The following CABP1 variants were observed in gnomAD, a reference collection of about 807,000 sequenced individuals.
The protein encoded by CABP1 is calcium binding protein 1, also known as calcium-binding protein 1.
Under a neutral mutation model 34.3 loss-of-function variants are expected in CABP1, and 17 were observed. That is an observed-to-expected ratio of 0.50 (90% confidence interval 0.34 to 0.74). The LOEUF is 0.74. Ranked by LOEUF, CABP1 falls within the 30% of genes least tolerant of loss-of-function variation. The pLI, the probability that CABP1 is intolerant of heterozygous loss-of-function variation, is 0.01. For missense variants in CABP1, 373 were observed against 511.1 expected, an observed-to-expected ratio of 0.73 and a Z score of 2.61; for synonymous variants, 198 against 229.2, an observed-to-expected ratio of 0.86 and a Z score of 1.23.
intron 5 of CABP1, among the ~76,000 whole-genome samples, chr12:120,663,314 G>A (rs1349320496): frequency 1.3e-5 from 2 of 151,640 alleles, no homozygotes; most frequent in Non-Finnish European, 2.9e-5. Flanking sequence ...TTGCTCTGTC[G>A]CCCAGGCTGG....
chr12:120,675,260 C>T, the CABP1 span, among the ~76,000 whole-genome samples: 2 of 152,138 alleles, frequency 1.3e-5, no homozygotes, highest in African/African-American at 2.4e-5. Context: ...ACCCTATTAG[C>T]CAGGCTGGAC....
At position 120,660,475 on chromosome 12, in the gene CABP1, C is replaced by T; in HGVS notation, c.829+136C>T. On this transcript the variant is annotated intron_variant, in intron 3 of 5. Coordinates refer to ENST00000316803, the MANE Select transcript of CABP1 (RefSeq NM_001033677.2). The surrounding 1 kb of genome is among the most constrained non-coding windows in gnomAD (Gnocchi z 5.0). The stretch of plus-strand genomic sequence containing the variant: ...ATCTGGGGCCAACCACTTACCCTCT[C>T]TGAGCCTCAGTTTCCTCACCTGTAA... 4 of 999,938 alleles carry T rather than the reference C, an allele frequency of 4.0e-6. No individual in the cohort carries two copies. The highest frequency in any genetic ancestry group is 5.8e-6 in the Non-Finnish European group (4 of 686,646). 61.9% of individuals were successfully genotyped at this position (999,938 alleles called of 1,614,324 possible).
At position 120,661,793 on chromosome 12, in the gene CABP1, CT is replaced by C. The variant is rs1880664535; in HGVS notation, c.1087+577del. On this transcript the variant is annotated intron_variant, in intron 5 of 5. Transcript: ENST00000316803. This position sits in a 1 kb window ranked among gnomAD's most constrained non-coding sequence, Gnocchi z 5.1. ...TCTCCATTTTTCATCTGTTTATCTC[CT>C]TATCTGTCCAGATGCCTATTTATCC... The C allele has an allele frequency of 6.5e-6, 1 of 154,668 alleles. No individual in the cohort carries two copies. The highest frequency in any genetic ancestry group is 2.4e-5 in the African/African-American group (1 of 41,456). 9.6% of individuals were successfully genotyped at this position (154,668 alleles called of 1,614,324 possible). A position where few individuals can be genotyped will look rare whatever the true frequency, so the allele number is the denominator to read the frequency against.
At chr12:120,673,777 C>T in the CABP1 span, among the ~76,000 whole-genome samples, 3 of 152,146 alleles carry the variant, frequency 2.0e-5, no homozygotes, top group Admixed American at 6.5e-5. Context: ...TACTACTAAA[C>T]CACCAGTGCT....
chr12:120,661,164 G>T lies in CABP1; in HGVS notation c.1033G>T (p.Glu345Ter). The stretch of plus-strand genomic sequence containing the variant: ...TCATCAGGTGGGACACCGAGACATA[G>T]AGGAAATTATCCGAGATGTGGACCT... ...LGHQVGHRDIEEIIRDVDLNG... is the reference protein window; with the variant it reads ...LGHQVGHRDI Residue 345 changes from glutamate (E) to a stop codon, truncating the protein, a stop_gained, in exon 5 of 6, where the codon GAG becomes TAG. Coordinates refer to ENST00000316803, the MANE Select transcript of CABP1 (RefSeq NM_001033677.2). LOFTEE classifies it high-confidence loss of function. The surrounding 1 kb of genome is among the most constrained non-coding windows in gnomAD (Gnocchi z 5.1). The T allele has an allele frequency of 6.2e-7, 1 of 1,613,102 alleles. No homozygotes were observed.
At chr12:120,650,512 C>G in intron 1 of CABP1, 1 of 1,577,222 alleles carries the variant, frequency 6.3e-7, no homozygotes, top group Non-Finnish European at 8.6e-7. Flanking sequence ...CACATCCGTC[C>G]TGGAGGAAGA....
chr12:120,672,625 C>T, the CABP1 span, among the ~76,000 whole-genome samples: 1 of 141,522 alleles, frequency 7.1e-6, no homozygotes, highest in Non-Finnish European at 1.5e-5. Context: ...AAAAAGTGAA[C>T]TTATAGATCA....
At chr12:120,652,436 T>A (rs61121868) in intron 1 of CABP1, among the ~76,000 whole-genome samples, 2,717 of 152,234 alleles carry the variant, frequency 0.018, 84 homozygotes, top group African/African-American at 0.062. Context: ...GCTACATAGT[T>A]CTTTTGGCTG....
chr12:120,651,987 C>T (rs1378549995), intron 1 of CABP1, among the ~76,000 whole-genome samples: 2 of 152,216 alleles, frequency 1.3e-5, no homozygotes, highest in Non-Finnish European at 2.9e-5. Context: ...TTCTGTCCCA[C>T]CCATCTTCCC....
chr12:120,662,613 G>A (rs1025814566), intron 5 of CABP1, among the ~76,000 whole-genome samples: 2 of 151,500 alleles, frequency 1.3e-5, no homozygotes, highest in East Asian at 1.9e-4. Flanking sequence ...CACCCGCCTC[G>A]GCCTCCCAAA....
the CABP1 span, among the ~76,000 whole-genome samples, chr12:120,674,714 C>T: frequency 6.6e-6 from 1 of 152,012 alleles, no homozygotes; most frequent in Non-Finnish European, 1.5e-5. Flanking sequence ...ATGGTGAAAC[C>T]CCGTCTCTAC....
At chr12:120,643,676 C>G (rs1041070219) in intron 1 of CABP1, among the ~76,000 whole-genome samples, 2 of 152,196 alleles carry the variant, frequency 1.3e-5, no homozygotes, top group Non-Finnish European at 2.9e-5. Context: ...AGTGATCCAC[C>G]TGTTTCAGCC....
chr12:120,666,745 T>C, intron 5 of CABP1, 130 bp from the exon 6 acceptor site: 7 of 973,576 alleles, frequency 7.2e-6, no homozygotes, highest in Non-Finnish European at 1.1e-5. Flanking sequence ...GTCCATGGAT[T>C]GGAGAGGGCG....
intron 1 of CABP1, among the ~76,000 whole-genome samples, chr12:120,654,533 T>C (rs1880044246): frequency 6.6e-6 from 1 of 152,174 alleles, no homozygotes; most frequent in South Asian, 2.1e-4. Context: ...TGCGCAGACC[T>C]GCACTTCTCA....
At chr12:120,656,211 A>G (rs758888495) in intron 1 of CABP1, 1 of 1,603,558 alleles carries the variant, frequency 6.2e-7, no homozygotes, top group African/African-American at 1.3e-5. Context: ...GCAGTCATGC[A>G]CAACCTGCTG....
intron 1 of CABP1, among the ~76,000 whole-genome samples, chr12:120,648,899 G>A (rs112851787): frequency 0.017 from 2,473 of 148,624 alleles, 72 homozygotes; most frequent in African/African-American, 0.057. Flanking sequence ...AAAAAAAGAA[G>A]CTGGCAGAGC....
At chr12:120,665,577 G>A (rs188650143) in intron 5 of CABP1, among the ~76,000 whole-genome samples, 2 of 152,200 alleles carry the variant, frequency 1.3e-5, no homozygotes, top group South Asian at 2.1e-4. Flanking sequence ...ACGATGTGTC[G>A]GTGTCGGTTT....
chr12:120,651,830 C>G (rs1352236472), intron 1 of CABP1, among the ~76,000 whole-genome samples: 1 of 152,200 alleles, frequency 6.6e-6, no homozygotes, highest in African/African-American at 2.4e-5. Context: ...CACGCCTCCC[C>G]CATAATCTGG....
intron 1 of CABP1, chr12:120,656,169 C>T (rs1411128062): frequency 1.5e-5 from 25 of 1,613,692 alleles, no homozygotes; most frequent in East Asian, 2.2e-5. Flanking sequence ...GCCGAGCTCC[C>T]GGGACCGCTC....
Sources: gnomAD v4.1 joint callset for allele counts (sites outside exome capture counted in the v4.1 genomes callset) on GRCh38, gnomAD v4.1.1 for gene constraint, Gnocchi (gnomAD v3.1) non-coding constraint, MANE v1.5 for transcripts, NCBI Gene and HGNC (gene_info 2026-07-23, HGNC 2026-07-21) for gene names.